C2orf68: variants seen among roughly 807,000 people sequenced by gnomAD.
C2orf68 encodes UPF0561 protein C2orf68.
Under a neutral mutation model 19.1 loss-of-function variants are expected in C2orf68, and 15 were observed. The ratio of observed to expected loss-of-function variants is 0.79; its 90% CI spans 0.53 to 1.21. The LOEUF is 1.21. Among genes scored for constraint, C2orf68 ranks in the 50% most tolerant of loss-of-function variants. The pLI, the probability that C2orf68 is intolerant of heterozygous loss-of-function variation, is 0.00. For missense variants in C2orf68, 242 were observed against 226.6 expected, an observed-to-expected ratio of 1.07 and a Z score of -0.44; for synonymous variants, 98 against 91.0, an observed-to-expected ratio of 1.08 and a Z score of -0.44.
chr2:85,611,723 G>A lies in C2orf68; in HGVS notation c.171C>T (p.Pro57=), dbSNP rs899250671. The change falls in exon 2 of 4, where the codon CCC becomes CCT. Residue 57 remains proline (P), a synonymous_variant. Transcript: ENST00000306336. ...AKEKVRRRHT[P]APTRPRKPDL... ...CTGGCTTGCGGGGCCGCGTCGGCGC[G>A]GGCGTGTGCCGCCTCCTCACCTTCT... 6.2e-7 allele frequency: 1 copy of A among 1,603,842 alleles called. No homozygotes were observed. The highest frequency in any genetic ancestry group is 1.7e-5 in the Admixed American group (1 of 58,630).
intron 2 of C2orf68, among the ~76,000 whole-genome samples, chr2:85,610,049 C>T (rs1168679331): frequency 7.1e-6 from 1 of 141,364 alleles, no homozygotes; most frequent in African/African-American, 2.7e-5. Flanking sequence ...GAGTCTTGCT[C>T]TGTTGCCCAG....
At chr2:85,611,432 A>G (rs1558839956) in intron 2 of C2orf68, 1 of 1,522,034 alleles carries the variant, frequency 6.6e-7, no homozygotes, top group Non-Finnish European at 8.8e-7. Context: ...CGGCAGATAA[A>G]CTTCTTGCTG....
chr2:85,605,586 TTAAG>T lies in C2orf68; in HGVS notation c.*3355_*3358del, dbSNP rs755690154. The stretch of plus-strand genomic sequence containing the variant: ...ATTCAGCAAGGGAGCTTAAAATATT[TTAAG>T]TAATTGTCAACATTCCATGGTGACT... On this transcript the variant is annotated 3_prime_UTR_variant, in exon 4 of 4. Transcript: ENST00000306336. Among the ~76,000 whole-genome samples, 2 of 152,218 alleles carry T rather than the reference TTAAG, an allele frequency of 1.3e-5. No individual in the cohort carries two copies. Among genetic ancestry groups the T allele is most frequent in the Non-Finnish European group, 2.9e-5 (2 of 68,034 alleles).
chr2:85,611,785 C>T lies in C2orf68; in HGVS notation c.109G>A (p.Asp37Asn), dbSNP rs1558840686. The change falls in exon 2 of 4, where the codon GAC (aspartate) becomes AAC (asparagine). Residue 37 changes from aspartate (D) to asparagine (N), a missense_variant and splice_region_variant. Physicochemically the swap from Asp to Asn is conservative, Grantham distance 23 (BLOSUM62 1). Transcript: ENST00000306336. The stretch of plus-strand genomic sequence containing the variant: ...TGCTTCACCTTCTTGTCATAGTCGT[C>T]CCTGCGGGGAGCCGAGCGGGAGTCA... ...HHIRRNQIARDDYDKKVKQAA... is the reference protein window; with the variant it reads ...HHIRRNQIARNDYDKKVKQAA... The T allele has an allele frequency of 6.2e-7, 1 of 1,611,728 alleles. No homozygotes were observed. Among genetic ancestry groups the T allele is most frequent in the Non-Finnish European group, 8.5e-7 (1 of 1,179,538 alleles).
rs1274216223 is a variant in C2orf68, at chr2:85,611,877, C to T, written c.107+1G>A. 14 of 1,597,828 alleles carry T rather than the reference C, an allele frequency of 8.8e-6. No individual in the cohort carries two copies. Among genetic ancestry groups the T allele is most frequent in the Non-Finnish European group, 1.2e-5 (14 of 1,177,330 alleles). ...GGCGGCGGCGCAGGGCGGGGCGGTA[C>T]CGAGCGATCTGGTTCCGTCGGATAT... On this transcript the variant is annotated splice_donor_variant, in intron 1 of 3. Coordinates refer to ENST00000306336, the MANE Select transcript of C2orf68 (RefSeq NM_001013649.4). LOFTEE classifies it high-confidence loss of function.
chr2:85,611,499 C>G, intron 2 of C2orf68, 169 bp downstream of exon 2: 1 of 1,550,732 alleles, frequency 6.4e-7, no homozygotes, highest in Non-Finnish European at 8.7e-7. Context: ...CGTCCCAGTT[C>G]TTGGTGAGAA....
chr2:85,608,977 C>T lies in C2orf68; in HGVS notation c.469G>A (p.Glu157Lys), dbSNP rs1404273617. The T allele has an allele frequency of 6.2e-7, 1 of 1,614,104 alleles. No homozygotes were observed. The highest frequency in any genetic ancestry group is 8.5e-7 in the Non-Finnish European group (1 of 1,180,056). ...TGGCTCTGGCGCTTTGCAATCTCCT[C>T]CTGGATACGCAACTTGAGGGCTTCT... Reference protein sequence around the residue: ...MREALKLRIQEEIAKRQSQH With the variant: ...MREALKLRIQKEIAKRQSQH Residue 157 changes from glutamate to lysine, a missense_variant, in exon 4 of 4, where the codon GAG (glutamate) becomes AAG (lysine). By Grantham distance (56) the Glu-to-Lys change is moderately conservative. Coordinates refer to ENST00000306336, the MANE Select transcript of C2orf68 (RefSeq NM_001013649.4).
chr2:85,609,307 G>A, intron 3 of C2orf68, 128 bp downstream of exon 3: 1 of 1,375,386 alleles, frequency 7.3e-7, no homozygotes, highest in South Asian at 1.4e-5. Flanking sequence ...CTGCCCGGCA[G>A]GCCTAGACTC....
chr2:85,611,195 C>A, intron 2 of C2orf68: 2 of 1,120,740 alleles, frequency 1.8e-6, no homozygotes, highest in African/African-American at 3.3e-5. Context: ...GCGACAGAGA[C>A]CTAGTCTCAA....
intron 2 of C2orf68, 140 bp from the exon 3 acceptor site, chr2:85,609,726 G>C: frequency 8.7e-7 from 1 of 1,148,052 alleles, no homozygotes; most frequent in Non-Finnish European, 1.2e-6. Flanking sequence ...CTGTCGCCCA[G>C]GCTGGAGTGC....
rs182907014 is a variant in C2orf68 at position 85,611,290 on chromosome 2, G to A, written c.226+378C>T. 20 of 1,419,658 alleles carry A rather than the reference G, an allele frequency of 1.4e-5. No homozygotes were observed. The East Asian group carries it at 4.7e-4, about 33-fold the overall frequency. 87.9% of individuals were successfully genotyped at this position (1,419,658 alleles called of 1,614,324 possible). A position where few individuals can be genotyped will look rare whatever the true frequency, so the allele number is the denominator to read the frequency against. On this transcript the variant is annotated intron_variant, in intron 2 of 3. Transcript: ENST00000306336. Reference sequence around the variant, plus strand: ...TATTAACCAGTGTGATCTCTAGGTAGCAGAGAAGCTGGGGAAAGGCCATTT... The same window carrying A: ...TATTAACCAGTGTGATCTCTAGGTAACAGAGAAGCTGGGGAAAGGCCATTT...
At position 85,608,218 on chromosome 2, in the gene C2orf68, T is replaced by C. The variant is rs1673288381; in HGVS notation, c.*727A>G. 6.6e-6 allele frequency: 1 copy of C among 152,210 alleles called. No homozygotes were observed. The highest frequency in any genetic ancestry group is 1.5e-5 in the Non-Finnish European group (1 of 68,026). The allele number at this position is 152,210 out of a possible 1,614,324, so 9.4% of individuals were successfully genotyped here. A position where few individuals can be genotyped will look rare whatever the true frequency, so the allele number is the denominator to read the frequency against. On this transcript the variant is annotated 3_prime_UTR_variant, in exon 4 of 4. Coordinates refer to ENST00000306336, the MANE Select transcript of C2orf68 (RefSeq NM_001013649.4). ...AGCACCAACATCTTCCTAGGTTTCC[T>C]GTCTAGACAGTGCAAAGCAGTGGAA...
Position 85,609,078 on chromosome 2 carries a change from G to T in C2orf68, c.379-11C>A. ...TCCTGGGTCATCACCCTACGTGGAG[G>T]AAGAGTCAGAAGGCTCAGGGCCTGG... is the stretch of plus-strand genomic sequence containing the variant. On this transcript the variant is annotated splice_polypyrimidine_tract_variant and intron_variant, in intron 3 of 3. Transcript: ENST00000306336. 1 of 1,613,836 alleles carries T rather than the reference G, an allele frequency of 6.2e-7. No homozygotes were observed. The highest frequency in any genetic ancestry group is 8.5e-7 in the Non-Finnish European group (1 of 1,179,838).
At position 85,608,749 on chromosome 2, in the gene C2orf68, T is replaced by G; in HGVS notation, c.*196A>C. 1 of 265,522 alleles carries G rather than the reference T, an allele frequency of 3.8e-6. No individual in the cohort carries two copies. Among genetic ancestry groups the G allele is most frequent in the Non-Finnish European group, 6.9e-6 (1 of 144,318 alleles). The allele number at this position is 265,522 out of a possible 1,614,324, so 16.4% of individuals were successfully genotyped here. On this transcript the variant is annotated 3_prime_UTR_variant, in exon 4 of 4. Transcript: ENST00000306336. ...AAAAAAGAATTCCAGAATATCAGGC[T>G]GGGCAAATGGGTCAACATATAAGAA...
At position 85,608,816 on chromosome 2, in the gene C2orf68, C is replaced by G; in HGVS notation, c.*129G>C. 3 of 1,306,636 alleles carry G rather than the reference C, an allele frequency of 2.3e-6. No homozygotes were observed. The highest frequency in any genetic ancestry group is 2.0e-5 in the Admixed American group (1 of 50,332). 80.9% of individuals were successfully genotyped at this position (1,306,636 alleles called of 1,614,324 possible). On this transcript the variant is annotated 3_prime_UTR_variant, in exon 4 of 4. Transcript: ENST00000306336. Reference sequence around the variant, plus strand: ...AGGCCAGGTGTAGTCCTGCAACACCCTATGGATGCAGCAGCTCTGGGGGTC... The same window carrying G: ...AGGCCAGGTGTAGTCCTGCAACACCGTATGGATGCAGCAGCTCTGGGGGTC...
chr2:85,605,507 C>T lies in C2orf68; in HGVS notation c.*3438G>A, dbSNP rs967746545. 3.9e-5 allele frequency among the ~76,000 whole-genome samples: 6 copies of T among 152,158 alleles called. No individual in the cohort carries two copies. Among genetic ancestry groups the T allele is most frequent in the South Asian group, 2.1e-4 (1 of 4,824 alleles). On this transcript the variant is annotated 3_prime_UTR_variant, in exon 4 of 4. Coordinates refer to ENST00000306336, the MANE Select transcript of C2orf68 (RefSeq NM_001013649.4). The stretch of plus-strand genomic sequence containing the variant: ...ATTACTCCAACTCCTAGGGAAATTT[C>T]GGGTGGGTGCCTATGGCTGTATGAC...
At position 85,611,927 on chromosome 2, in the gene C2orf68, C is replaced by T. The variant is rs1673571039; in HGVS notation, c.58G>A (p.Asp20Asn). ...GHCCKPGGRL[D>N]MNHGFVHHIR... ...TGGTGCACGAAGCCGTGGTTCATGTCCAGCCGCCCCCCAGGCTTGCAGCAG... is the reference window on the plus strand; with the variant it reads ...TGGTGCACGAAGCCGTGGTTCATGTTCAGCCGCCCCCCAGGCTTGCAGCAG... Residue 20 changes from aspartate (D) to asparagine (N), a missense_variant, in exon 1 of 4, where the codon GAC becomes AAC. Transcript: ENST00000306336. The T allele has an allele frequency of 6.3e-7, 1 of 1,588,284 alleles. No homozygotes were observed.
At chr2:85,610,805 C>T (rs1673461202) in intron 2 of C2orf68, 2 of 148,846 alleles carry the variant, frequency 1.3e-5, no homozygotes, top group Non-Finnish European at 3.0e-5. Context: ...GTTGCCCAGG[C>T]TGGAGTGCAG....
chr2:85,611,549 C>T (rs978947008), intron 2 of C2orf68, 119 bp downstream of exon 2: 4 of 1,550,954 alleles, frequency 2.6e-6, no homozygotes, highest in East Asian at 2.4e-5. Flanking sequence ...GTGGAGGTTC[C>T]GGAAAGAGAC....
Sources: allele counts gnomAD v4.1 joint callset (sites outside exome capture counted in the v4.1 genomes callset), GRCh38; gene constraint gnomAD v4.1.1; transcripts MANE v1.5; gene names NCBI Gene and HGNC (gene_info 2026-07-23, HGNC 2026-07-21).